Variants in RALGPS2 observed in about 807,000 individuals in gnomAD.
RALGPS2 encodes ras-specific guanine nucleotide-releasing factor RalGPS2.
In RALGPS2, 43 loss-of-function variants were observed where a neutral mutation model predicts 86.8. The ratio of observed to expected loss-of-function variants is 0.50; its 90% confidence interval spans 0.39 to 0.64. The LOEUF is 0.64. Among genes scored for constraint, RALGPS2 ranks in the 30% least tolerant of loss-of-function variants. The pLI is 0.00. For missense variants in RALGPS2, 536 were observed against 694.6 expected, an observed-to-expected ratio of 0.77 and a Z score of 2.57; for synonymous variants, 243 against 231.3, an observed-to-expected ratio of 1.05 and a Z score of -0.46.
intron 3 of RALGPS2, 136 bp from the exon 4 acceptor site, chr1:178,785,421 A>G (rs1423744726): frequency 1.3e-6 from 1 of 769,780 alleles, no homozygotes; most frequent in African/African-American, 1.8e-5. Context: ...TACAGGGGCT[A>G]AATTTTGTTT....
At chr1:178,856,394 ATTTTTTTTTTTTTTTTT>A (rs71108081) in intron 8 of RALGPS2, among the ~76,000 whole-genome samples, 7 of 36,432 alleles carry the variant, frequency 1.9e-4, no homozygotes, top group African/African-American at 7.3e-4. Flanking sequence ...TGCCTGGCTA[ATTTTTTTTTTTTTTTTT>A]TTTTTTTTTT....
chr1:178,916,648 C>G lies in RALGPS2; in HGVS notation c.*289C>G. 2.7e-6 allele frequency: 1 copy of G among 375,012 alleles called. No homozygotes were observed. The highest frequency in any genetic ancestry group is 9.9e-5 in the South Asian group (1 of 10,144). The allele number at this position is 375,012 out of a possible 1,614,324, so 23.2% of individuals were successfully genotyped here. On this transcript the variant is annotated 3_prime_UTR_variant, in exon 20 of 20. Coordinates refer to ENST00000367635, the MANE Select transcript of RALGPS2 (RefSeq NM_152663.5). The stretch of plus-strand genomic sequence containing the variant: ...ATGAAAGGAAAACCAACATGAAACA[C>G]CAAATAGTGTGTGTGAATCTTCTGG...
At chr1:178,747,522 C>T in intron 1 of RALGPS2, 12 of 1,611,818 alleles carry the variant, frequency 7.4e-6, no homozygotes, top group Non-Finnish European at 9.3e-6. Context: ...AGCATGACAA[C>T]TGCTTTGGTC....
chr1:178,752,370 C>T (rs1651731020), intron 1 of RALGPS2, among the ~76,000 whole-genome samples: 3 of 149,018 alleles, frequency 2.0e-5, no homozygotes. Context: ...CACTTTGTTG[C>T]CTAGGCTGGT....
chr1:178,807,643 G>T (rs1654804370), intron 4 of RALGPS2, among the ~76,000 whole-genome samples: 1 of 152,188 alleles, frequency 6.6e-6, no homozygotes, highest in African/African-American at 2.4e-5. Context: ...GTTTCTTCAA[G>T]TGTTTGGGGT....
At chr1:178,814,859 G>A (rs1040382326) in intron 6 of RALGPS2, among the ~76,000 whole-genome samples, 2 of 152,164 alleles carry the variant, frequency 1.3e-5, no homozygotes, top group Non-Finnish European at 2.9e-5. Flanking sequence ...GTCACCATCT[G>A]ATATTGTCAA....
At chr1:178,762,963 T>TA (rs1450106205) in intron 1 of RALGPS2, among the ~76,000 whole-genome samples, 1 of 152,188 alleles carries the variant, frequency 6.6e-6, no homozygotes, top group African/African-American at 2.4e-5. Flanking sequence ...CCAGGGTTTT[T>TA]ATAGTTTTAA....
At chr1:178,800,431 AC>A (rs1654414627) in intron 4 of RALGPS2, among the ~76,000 whole-genome samples, 1 of 152,200 alleles carries the variant, frequency 6.6e-6, no homozygotes, top group Non-Finnish European at 1.5e-5. Context: ...AGACAACAAG[AC>A]CAACCCCTTC....
intron 5 of RALGPS2, among the ~76,000 whole-genome samples, chr1:178,809,689 G>T (rs988905905): frequency 1.3e-5 from 2 of 151,920 alleles, no homozygotes; most frequent in Non-Finnish European, 1.5e-5. Flanking sequence ...GTCATTTGGG[G>T]AGCACGTACA....
rs144409889 is a variant in RALGPS2, at chr1:178,853,924, A to G, written c.607+20374A>G. 145 of 525,018 alleles carry G rather than the reference A, an allele frequency of 2.8e-4. 1 individual carries two copies. Among genetic ancestry groups the G allele is most frequent in the African/African-American group, 2.5e-3 (125 of 50,512 alleles). 32.5% of individuals were successfully genotyped at this position (525,018 alleles called of 1,614,324 possible). The stretch of plus-strand genomic sequence containing the variant: ...TATCATATATACAATATTATAAAAT[A>G]TAACTAAATAAAAGGGTGACTCCAG... On this transcript the variant is annotated intron_variant, in intron 8 of 19. Coordinates refer to ENST00000367635, the MANE Select transcript of RALGPS2 (RefSeq NM_152663.5).
intron 7 of RALGPS2, among the ~76,000 whole-genome samples, chr1:178,827,805 A>G (rs1655823344): frequency 6.6e-6 from 1 of 152,194 alleles, no homozygotes; most frequent in Admixed American, 6.5e-5. Flanking sequence ...CCAGAAATAA[A>G]TACACACATT....
intron 1 of RALGPS2, among the ~76,000 whole-genome samples, chr1:178,755,347 ACTC>A (rs1273824635): frequency 2.6e-5 from 4 of 150,960 alleles, no homozygotes; most frequent in East Asian, 1.9e-4. Flanking sequence ...TTCCCTCACT[ACTC>A]CTGCTGGTGG....
At chr1:178,904,337 C>T (rs1219298299) in intron 18 of RALGPS2, among the ~76,000 whole-genome samples, 1 of 152,170 alleles carries the variant, frequency 6.6e-6, no homozygotes, top group East Asian at 1.9e-4. Flanking sequence ...TTTTGCTGTG[C>T]AAACGCTCTT....
At chr1:178,750,509 T>C (rs1651591625) in intron 1 of RALGPS2, among the ~76,000 whole-genome samples, 1 of 152,242 alleles carries the variant, frequency 6.6e-6, no homozygotes, top group Admixed American at 6.5e-5. Flanking sequence ...GTGCTGTGTT[T>C]AATGGCTTTT....
intron 1 of RALGPS2, among the ~76,000 whole-genome samples, chr1:178,736,176 T>C (rs1249207005): frequency 6.6e-6 from 1 of 151,442 alleles, no homozygotes; most frequent in Non-Finnish European, 1.5e-5. Context: ...TTTTTTTTTT[T>C]TTTTTCTGAG....
At chr1:178,853,653 C>T (rs1657333951) in intron 8 of RALGPS2, 3 of 1,611,610 alleles carry the variant, frequency 1.9e-6, no homozygotes, top group Middle Eastern at 1.7e-4. Context: ...TTCTGAATAA[C>T]AGTCCAACCC....
At chr1:178,751,139 A>C (rs904135753) in intron 1 of RALGPS2, among the ~76,000 whole-genome samples, 11 of 152,022 alleles carry the variant, frequency 7.2e-5, no homozygotes, top group African/African-American at 2.7e-4. Flanking sequence ...CACACACCCT[A>C]TGTCCCTCCC....
chr1:178,776,213 G>A (rs1396535594), intron 1 of RALGPS2, among the ~76,000 whole-genome samples: 2 of 152,126 alleles, frequency 1.3e-5, no homozygotes, highest in Admixed American at 6.5e-5. Flanking sequence ...TTTATGACAT[G>A]TAGTTCATAA....
chr1:178,765,622 T>G (rs1373396073), intron 1 of RALGPS2, among the ~76,000 whole-genome samples: 6 of 152,218 alleles, frequency 3.9e-5, no homozygotes. Flanking sequence ...ATAACCGGTC[T>G]GACCAAAATT....
Sources: allele counts gnomAD v4.1 joint callset (sites outside exome capture counted in the v4.1 genomes callset), GRCh38; gene constraint gnomAD v4.1.1; transcripts MANE v1.5; gene names NCBI Gene and HGNC (gene_info 2026-07-23, HGNC 2026-07-21).